The following ZNF804B variants were observed in gnomAD, a reference collection of about 807,000 sequenced individuals.
ZNF804B encodes the protein zinc finger 804B.
Under a neutral mutation model 101.4 loss-of-function variants are expected in ZNF804B, and 80 were observed. The observed-to-expected ratio is 0.79, with a 90% CI of 0.66 to 0.95. The LOEUF is 0.95. Among genes scored for constraint, ZNF804B ranks in the 40% least tolerant of loss-of-function variants. The pLI, the probability that ZNF804B is intolerant of heterozygous loss-of-function variation, is 0.00. For synonymous variants in ZNF804B, 622 were observed against 558.8 expected (o/e 1.11, Z -1.59); for missense variants, 1,673 against 1,561.9 (o/e 1.07, Z -1.20).
At chr7:88,891,644 C>T (rs972187498) in intron 1 of ZNF804B, among the ~76,000 whole-genome samples, 18 of 150,642 alleles carry the variant, frequency 1.2e-4, no homozygotes, top group African/African-American at 4.1e-4. Flanking sequence ...TAACTTTTAG[C>T]CTTTCTTTGG....
At chr7:89,104,584 A>G (rs1421847329) in intron 1 of ZNF804B, among the ~76,000 whole-genome samples, 1 of 151,896 alleles carries the variant, frequency 6.6e-6, no homozygotes, top group Non-Finnish European at 1.5e-5. Flanking sequence ...ATCAGTTGTC[A>G]TGTCACCTTA....
intron 1 of ZNF804B, among the ~76,000 whole-genome samples, chr7:88,994,389 C>T (rs1006200531): frequency 1.1e-4 from 17 of 151,894 alleles, no homozygotes; most frequent in Non-Finnish European, 4.4e-5. Context: ...TATTTATGTA[C>T]CTTTGACAGA....
At chr7:88,912,456 TTC>T (rs1171663063) in intron 1 of ZNF804B, among the ~76,000 whole-genome samples, 1 of 152,106 alleles carries the variant, frequency 6.6e-6, no homozygotes, top group African/African-American at 2.4e-5. Context: ...AGTTATTAAT[TTC>T]TTTCTTGTAT....
intron 2 of ZNF804B, among the ~76,000 whole-genome samples, chr7:89,249,798 G>T (rs879780922): frequency 6.6e-6 from 1 of 152,080 alleles, no homozygotes; most frequent in Non-Finnish European, 1.5e-5. Context: ...CACCAGAAGT[G>T]AATGAAATTG....
At chr7:89,233,078 C>T (rs950871345) in intron 2 of ZNF804B, among the ~76,000 whole-genome samples, 6 of 151,710 alleles carry the variant, frequency 4.0e-5, no homozygotes, top group South Asian at 2.1e-4. Flanking sequence ...CCCGCCACCA[C>T]GCCTGGCTAA....
intron 1 of ZNF804B, among the ~76,000 whole-genome samples, chr7:89,118,510 T>C (rs1173703849): frequency 6.6e-6 from 1 of 152,104 alleles, no homozygotes; most frequent in African/African-American, 2.4e-5. Flanking sequence ...GTGCCCAGTG[T>C]AGATTAAATA....
At chr7:89,255,982 C>T (rs1789626759) in intron 2 of ZNF804B, among the ~76,000 whole-genome samples, 1 of 151,882 alleles carries the variant, frequency 6.6e-6, no homozygotes, top group South Asian at 2.1e-4. Flanking sequence ...AACCAAAACC[C>T]AATTCCAAAA....
intron 1 of ZNF804B, among the ~76,000 whole-genome samples, chr7:89,190,267 A>G (rs1788434349): frequency 1.3e-5 from 2 of 151,546 alleles, no homozygotes; most frequent in Admixed American, 1.3e-4. Flanking sequence ...CCTGGGAAGC[A>G]GAGGCTGCAG....
At chr7:89,243,201 G>A (rs80228481) in intron 2 of ZNF804B, among the ~76,000 whole-genome samples, 2 of 151,404 alleles carry the variant, frequency 1.3e-5, no homozygotes, top group Non-Finnish European at 3.0e-5. Flanking sequence ...GCCTTTATGA[G>A]TAAACATAAA....
intron 1 of ZNF804B, among the ~76,000 whole-genome samples, chr7:88,774,796 G>A (rs960757488): frequency 5.9e-5 from 9 of 152,122 alleles, no homozygotes; most frequent in Non-Finnish European, 2.9e-5. Flanking sequence ...AAATTGTAGA[G>A]ACCACAAAAA....
chr7:89,305,897 G>T (rs969786150), intron 2 of ZNF804B, among the ~76,000 whole-genome samples: 2 of 151,792 alleles, frequency 1.3e-5, no homozygotes, highest in Middle Eastern at 3.2e-3. Flanking sequence ...TTTTTATTCT[G>T]ATACTTTGTA....
chr7:89,247,945 T>C (rs1173825620), intron 2 of ZNF804B, among the ~76,000 whole-genome samples: 2 of 152,146 alleles, frequency 1.3e-5, no homozygotes, highest in East Asian at 3.9e-4. Flanking sequence ...CTTAAAGGAA[T>C]TTCAAAATAC....
At chr7:88,796,220 G>A (rs566814568) in intron 1 of ZNF804B, among the ~76,000 whole-genome samples, 5 of 151,936 alleles carry the variant, frequency 3.3e-5, no homozygotes, top group Non-Finnish European at 5.9e-5. Context: ...TTTAAAAAAC[G>A]TTTATTCAAT....
chr7:88,777,808 A>G (rs1485718247), intron 1 of ZNF804B, among the ~76,000 whole-genome samples: 2 of 147,076 alleles, frequency 1.4e-5, no homozygotes, highest in Admixed American at 7.1e-5. Context: ...AGATCACACC[A>G]CTGCACTCCA....
At chr7:89,156,065 T>TTTTCC (rs1562899762) in intron 1 of ZNF804B, among the ~76,000 whole-genome samples, 3 of 80,892 alleles carry the variant, frequency 3.7e-5, no homozygotes, top group African/African-American at 1.3e-4. Context: ...TCTTTCTTTC[T>TTTTCC]TTCTTTCTCT....
At chr7:88,938,227 G>T (rs1793001401) in intron 1 of ZNF804B, among the ~76,000 whole-genome samples, 1 of 152,006 alleles carries the variant, frequency 6.6e-6, no homozygotes, top group African/African-American at 2.4e-5. Context: ...TTCAGGTTAA[G>T]ATAAAAGATT....
chr7:89,241,185 T>G (rs549732502), intron 2 of ZNF804B, among the ~76,000 whole-genome samples: 2 of 152,194 alleles, frequency 1.3e-5, no homozygotes, highest in East Asian at 3.9e-4. Context: ...ACAACTTTAC[T>G]CCCCCAAATC....
chr7:88,921,864 A>G (rs959762196), intron 1 of ZNF804B, among the ~76,000 whole-genome samples: 1 of 152,088 alleles, frequency 6.6e-6, no homozygotes, highest in Admixed American at 6.6e-5. Context: ...AATTGTATCA[A>G]CATTTAAAAA....
intron 1 of ZNF804B, among the ~76,000 whole-genome samples, chr7:88,873,808 T>A (rs1791879553): frequency 6.6e-6 from 1 of 152,218 alleles, no homozygotes. Context: ...CTGAGGGCTC[T>A]GTTCTGTTCC....
Sources: gnomAD v4.1 joint callset for allele counts (sites outside exome capture counted in the v4.1 genomes callset) on GRCh38, gnomAD v4.1.1 for gene constraint, MANE v1.5 for transcripts, NCBI Gene and HGNC (gene_info 2026-07-23, HGNC 2026-07-21) for gene names.